Variants in MEIOSIN observed in about 807,000 individuals in gnomAD.
The protein encoded by MEIOSIN is meiosis initiator, also known as meiosis initiator protein.
Under a neutral mutation model 23.4 loss-of-function variants are expected in MEIOSIN, and 18 were observed. The observed-to-expected ratio is 0.77, with a 90% CI of 0.53 to 1.14. The LOEUF is 1.14. Ranked by LOEUF, MEIOSIN falls within the 50% of genes most tolerant of loss-of-function variation. The pLI, the probability that MEIOSIN is intolerant of heterozygous loss-of-function variation, is 0.00. For synonymous variants in MEIOSIN, 187 were observed against 100.6 expected, an observed-to-expected ratio of 1.86 and a Z score of -5.14; for missense variants, 428 against 242.9, an observed-to-expected ratio of 1.76 and a Z score of -5.07.
chr19:45,762,234 T>G (rs946048218), intron 13 of MEIOSIN, 51 bp downstream of exon 13: 1 of 404,854 alleles, frequency 2.5e-6, no homozygotes, highest in Non-Finnish European at 4.3e-6. Context: ...CTTCGTTCTC[T>G]GCCCGCAGCC....
Position 45,755,957 on chromosome 19 carries a change from A to G in MEIOSIN, c.803-13A>G, listed in dbSNP as rs1000630714. 4 of 701,630 alleles carry G rather than the reference A, an allele frequency of 5.7e-6. No homozygotes were observed. The highest frequency in any genetic ancestry group is 5.2e-5 in the African/African-American group (3 of 57,216). The allele number at this position is 701,630 out of a possible 1,614,324, so 43.5% of individuals were successfully genotyped here. The stretch of plus-strand genomic sequence containing the variant: ...CCAGTCCCCAGGCATGGTCATCCTG[A>G]TCTGCCCCTTAGGCTGCTGGTGCCA... On this transcript the variant is annotated splice_polypyrimidine_tract_variant and intron_variant, in intron 7 of 14. Coordinates refer to ENST00000457052, the MANE Select transcript of MEIOSIN (RefSeq NM_001310124.2).
chr19:45,739,163 T>G (rs1191993631), intron 2 of MEIOSIN, among the ~76,000 whole-genome samples: 1 of 152,094 alleles, frequency 6.6e-6, no homozygotes, highest in Non-Finnish European at 1.5e-5. Context: ...TCTTATTGTT[T>G]GTTTGTTTGA....
intron 3 of MEIOSIN, among the ~76,000 whole-genome samples, chr19:45,740,203 T>TACGA (rs1248452835): frequency 1.3e-5 from 2 of 152,290 alleles, no homozygotes; most frequent in East Asian, 3.9e-4. Flanking sequence ...CCAGGCACTA[T>TACGA]ACGAAACACC....
At chr19:45,755,749 A>G (rs1044947171) in intron 7 of MEIOSIN, among the ~76,000 whole-genome samples, 5 of 152,098 alleles carry the variant, frequency 3.3e-5, no homozygotes, top group African/African-American at 1.2e-4. Flanking sequence ...CCCAGCCCCC[A>G]TTACAGCTTC....
intron 8 of MEIOSIN, among the ~76,000 whole-genome samples, chr19:45,756,559 A>G (rs1199041434): frequency 6.6e-6 from 1 of 152,186 alleles, no homozygotes; most frequent in African/African-American, 2.4e-5. Flanking sequence ...CTGGGACCAC[A>G]GGTGCACACC....
intron 2 of MEIOSIN, among the ~76,000 whole-genome samples, chr19:45,736,869 C>A (rs1306785895): frequency 2.7e-5 from 4 of 150,290 alleles, no homozygotes; most frequent in Non-Finnish European, 5.9e-5. Context: ...CTGCGCCCAG[C>A]CTTTTTTTTT....
intron 3 of MEIOSIN, among the ~76,000 whole-genome samples, chr19:45,740,278 G>A (rs1285128314): frequency 1.3e-5 from 2 of 152,228 alleles, no homozygotes; most frequent in Admixed American, 1.3e-4. Context: ...AACAGGCACA[G>A]AGAAGTGAAA....
chr19:45,753,084 C>T (rs1431299131), intron 5 of MEIOSIN, among the ~76,000 whole-genome samples: 1 of 152,094 alleles, frequency 6.6e-6, no homozygotes, highest in East Asian at 1.9e-4. Flanking sequence ...CCACCACACC[C>T]AGCTAATTTT....
chr19:45,745,815 A>G (rs567392684), intron 4 of MEIOSIN, among the ~76,000 whole-genome samples: 2 of 152,214 alleles, frequency 1.3e-5, no homozygotes, highest in South Asian at 4.1e-4. Context: ...CAGGCGATCC[A>G]TCCGCCTTGG....
intron 7 of MEIOSIN, among the ~76,000 whole-genome samples, chr19:45,755,150 C>CTT (rs974858195): frequency 5.1e-5 from 7 of 137,798 alleles, no homozygotes; most frequent in Middle Eastern, 3.5e-3. Flanking sequence ...TCAGCCTTTT[C>CTT]TTTTTTTTTT....
At chr19:45,757,038 C>T (rs1204897699) in intron 8 of MEIOSIN, 139 bp from the exon 9 acceptor site, 5 of 586,744 alleles carry the variant, frequency 8.5e-6, no homozygotes, top group Admixed American at 2.8e-5. Context: ...TGTAAGCTCC[C>T]TGAGGATGGG....
chr19:45,761,791 C>CCAGCTT lies in MEIOSIN; in HGVS notation c.1363_1364insTCAGCT (p.Ser454_Ser455insPheSer), dbSNP rs1401690968. On this transcript the variant is annotated inframe_insertion, in exon 12 of 15. Coordinates refer to ENST00000457052, the MANE Select transcript of MEIOSIN (RefSeq NM_001310124.2). Reference sequence around the variant, plus strand: ...CTGAGCGGGAACAGCAAGGCGCCATCCAGCTCCAGCTCCAGCTCCAGCTCC... The same window carrying CCAGCTT: ...CTGAGCGGGAACAGCAAGGCGCCATCCAGCTTCAGCTCCAGCTCCAGCTCCAGCTCC... 1 of 682,306 alleles carries CCAGCTT rather than the reference C, an allele frequency of 1.5e-6. No individual in the cohort carries two copies. Among genetic ancestry groups the CCAGCTT allele is most frequent in the East Asian group, 2.7e-5 (1 of 36,428 alleles). 42.3% of individuals were successfully genotyped at this position (682,306 alleles called of 1,614,324 possible).
rs923044573 is a variant in MEIOSIN, at chr19:45,757,220, G to C, written c.955G>C (p.Gly319Arg). 6.4e-5 allele frequency: 45 copies of C among 702,884 alleles called. No homozygotes were observed. In the Admixed American group the frequency reaches 8.8e-4, roughly 14 times the overall value. 43.5% of individuals were successfully genotyped at this position (702,884 alleles called of 1,614,324 possible). A position where few individuals can be genotyped will look rare whatever the true frequency, so the allele number is the denominator to read the frequency against. The change falls in exon 9 of 15, where the codon GGG becomes CGG. Residue 319 changes from glycine to arginine, a missense_variant. Transcript: ENST00000457052. The stretch of plus-strand genomic sequence containing the variant: ...TGATTCCAGCGAGGATGTGGACAAA[G>C]GGTCCCTAGACGCTGACCCTTGGCT... ...FYDSSEDVDK[G>R]SLDADPWLPA...
At chr19:45,755,365 G>GTCTTGAAC (rs1422728768) in intron 7 of MEIOSIN, among the ~76,000 whole-genome samples, 1 of 152,106 alleles carries the variant, frequency 6.6e-6, no homozygotes, top group Non-Finnish European at 1.5e-5. Flanking sequence ...GACCAGGCTG[G>GTCTTGAAC]TCTTGAACTC....
chr19:45,737,873 G>T (rs1057429209), intron 2 of MEIOSIN, among the ~76,000 whole-genome samples: 3 of 151,114 alleles, frequency 2.0e-5, no homozygotes, highest in East Asian at 2.0e-4. Context: ...AGTGAGCCGA[G>T]ATCGCGCCAT....
At chr19:45,743,453 T>C (rs931910220) in intron 3 of MEIOSIN, among the ~76,000 whole-genome samples, 1 of 152,140 alleles carries the variant, frequency 6.6e-6, no homozygotes, top group Admixed American at 6.6e-5. Context: ...TCTCGAAGGA[T>C]AGAACCCCAA....
At position 45,753,944 on chromosome 19, in the gene MEIOSIN, C is replaced by T. The variant is rs531750358; in HGVS notation, c.556+156C>T. Among the ~76,000 whole-genome samples the T allele has an allele frequency of 3.9e-5, 6 of 152,226 alleles. No homozygotes were observed. The South Asian group carries it at 6.2e-4, about 16-fold the overall frequency. Reference sequence around the variant, plus strand: ...TGTATTAGCACTGAGGCCTCACACCCGGAAACTTGGGGTTCACTGGTCTAT... The same window carrying T: ...TGTATTAGCACTGAGGCCTCACACCTGGAAACTTGGGGTTCACTGGTCTAT... On this transcript the variant is annotated intron_variant, in intron 6 of 14. Coordinates refer to ENST00000457052, the MANE Select transcript of MEIOSIN (RefSeq NM_001310124.2).
intron 13 of MEIOSIN, among the ~76,000 whole-genome samples, chr19:45,762,508 A>G (rs552619005): frequency 6.6e-6 from 1 of 152,258 alleles, no homozygotes; most frequent in African/African-American, 2.4e-5. Context: ...GCTCACTGCA[A>G]TGTCTGCCTC....
At chr19:45,754,447 C>G (rs866769324) in intron 6 of MEIOSIN, 32 bp from the exon 7 acceptor site, 1 of 691,140 alleles carries the variant, frequency 1.4e-6, no homozygotes, top group Non-Finnish European at 2.6e-6. Context: ...GACTCCCAGG[C>G]CCCTCTGACA....
Sources: allele counts gnomAD v4.1 joint callset (sites outside exome capture counted in the v4.1 genomes callset), GRCh38; gene constraint gnomAD v4.1.1; transcripts MANE v1.5; gene names NCBI Gene and HGNC (gene_info 2026-07-23, HGNC 2026-07-21).